Variants in ARHGAP39 observed in about 807,000 individuals in gnomAD.
ARHGAP39 encodes Rho GTPase activating protein 39, also known as rho GTPase-activating protein 39.
A neutral mutation model predicts 106.9 loss-of-function variants in ARHGAP39; 44 were observed. The observed-to-expected ratio is 0.41, with a 90% CI of 0.32 to 0.53. The LOEUF is 0.53. Among genes scored for constraint, ARHGAP39 ranks in the 20% least tolerant of loss-of-function variants. ARHGAP39 has a pLI of 0.21. For synonymous variants in ARHGAP39, 768 were observed against 693.2 expected (o/e 1.11, Z -1.69); for missense variants, 1,496 against 1,577.3 (o/e 0.95, Z 0.87).
At chr8:144,650,440 C>T (rs931016815) in intron 1 of ARHGAP39, among the ~76,000 whole-genome samples, 1 of 152,012 alleles carries the variant, frequency 6.6e-6, no homozygotes. Context: ...CTGGCAGAGG[C>T]ACAACAACAA....
At chr8:144,566,481 G>C (rs1262021396) in intron 3 of ARHGAP39, among the ~76,000 whole-genome samples, 1 of 151,906 alleles carries the variant, frequency 6.6e-6, no homozygotes. Flanking sequence ...TTTGAGATTG[G>C]GAGGCAAAGT....
At chr8:144,700,118 G>T in the ARHGAP39 span, among the ~76,000 whole-genome samples, 1 of 152,294 alleles carries the variant, frequency 6.6e-6, no homozygotes, top group South Asian at 2.1e-4. The surrounding 1 kb of genome is among the most constrained non-coding windows in gnomAD (Gnocchi z 5.6). Flanking sequence ...TCCTACGAAG[G>T]CGCGAACGTT....
intron 2 of ARHGAP39, 49 bp from the exon 3 acceptor site, chr8:144,581,326 C>T (rs1431381112): frequency 2.0e-6 from 3 of 1,494,944 alleles, no homozygotes; most frequent in South Asian, 1.3e-5. Flanking sequence ...GGCCTGGGCC[C>T]GCGCCTCCCA....
rs1459676145 is a variant in ARHGAP39 at position 144,580,932 on chromosome 8, G to C, written c.426C>G (p.Pro142=). ...REGSTSSSLE[P]EPDTEKAQEL... is the part of the protein sequence containing the mutation. ...CCTGCGCTTTCTCAGTGTCGGGCTC[G>C]GGCTCCAGGGAGGAGCTGGTGCTGC... Residue 142 remains proline (P), a synonymous_variant, in exon 3 of 12, where the codon CCC becomes CCG. Transcript: ENST00000377307. 15 of 1,605,312 alleles carry C rather than the reference G, an allele frequency of 9.3e-6. No homozygotes were observed. Among genetic ancestry groups the C allele is most frequent in the South Asian group, 3.3e-5 (3 of 90,480 alleles).
intron 1 of ARHGAP39, among the ~76,000 whole-genome samples, chr8:144,617,541 C>A (rs1820669795): frequency 6.7e-6 from 1 of 149,838 alleles, no homozygotes. Context: ...AGCCTTCAGG[C>A]TGAGAGCCCA....
intron 1 of ARHGAP39, among the ~76,000 whole-genome samples, chr8:144,675,489 A>G (rs927343082): frequency 1.3e-5 from 2 of 152,154 alleles, no homozygotes; most frequent in Admixed American, 1.3e-4. Flanking sequence ...GTGAAACTGC[A>G]GACCTTCGTG....
intron 1 of ARHGAP39, among the ~76,000 whole-genome samples, chr8:144,637,721 T>TA (rs1381878344): frequency 2.0e-5 from 3 of 152,134 alleles, no homozygotes; most frequent in Admixed American, 6.5e-5. Flanking sequence ...CTTTTTTTTT[T>TA]AGACGGTCTT....
chr8:144,547,444 C>A lies in ARHGAP39; in HGVS notation c.1642G>T (p.Gly548Cys). ...TGCGCCAGGAAGGGCTCGGCCGCGC[C>A]CCGCGCCCCTTCGGCCTCACCTTCC... ...RAEGEAEGAR[G>C]AAEPFLAQAR... Residue 548 changes from glycine (G) to cysteine (C), a missense_variant, in exon 5 of 12, where the codon GGC (glycine) becomes TGC (cysteine). By Grantham distance (159) the Gly-to-Cys change is radical (BLOSUM62 -3). Coordinates refer to ENST00000377307, the MANE Select transcript of ARHGAP39 (RefSeq NM_025251.3). This position sits in a 1 kb window ranked among gnomAD's most constrained non-coding sequence, Gnocchi z 5.2. 6.4e-7 allele frequency: 1 copy of A among 1,574,014 alleles called. No homozygotes were observed. Among genetic ancestry groups the A allele is most frequent in the Non-Finnish European group, 8.6e-7 (1 of 1,167,052 alleles).
chr8:144,645,814 C>T lies in ARHGAP39; in HGVS notation c.-82+39872G>A, dbSNP rs917262142. ...GTCATAACCAAAGGGGCTGCCTGAG[C>T]GAGGCCAGGGCTGCAGGGGGAGCTG... On this transcript the variant is annotated intron_variant, in intron 1 of 11. Transcript: ENST00000377307. The surrounding 1 kb of genome is among the most constrained non-coding windows in gnomAD (Gnocchi z 4.4). 6.6e-6 allele frequency among the ~76,000 whole-genome samples: 1 copy of T among 152,194 alleles called. No individual in the cohort carries two copies. Among genetic ancestry groups the T allele is most frequent in the Non-Finnish European group, 1.5e-5 (1 of 68,038 alleles).
Position 144,548,506 on chromosome 8 carries a change from C to T in ARHGAP39, c.597-17G>A, listed in dbSNP as rs1167448881. On this transcript the variant is annotated splice_polypyrimidine_tract_variant and intron_variant, in intron 4 of 11. Coordinates refer to ENST00000377307, the MANE Select transcript of ARHGAP39 (RefSeq NM_025251.3). This position sits in a 1 kb window ranked among gnomAD's most constrained non-coding sequence, Gnocchi z 7.4. ...GAGGAGGTCCTGCGTGGGGGGTGGACGGGCACAGGTGACTGCCTGCCTGCT... is the reference window on the plus strand; with the variant it reads ...GAGGAGGTCCTGCGTGGGGGGTGGATGGGCACAGGTGACTGCCTGCCTGCT... 1.2e-6 allele frequency: 2 copies of T among 1,601,630 alleles called. No homozygotes were observed. Among genetic ancestry groups the T allele is most frequent in the South Asian group, 2.2e-5 (2 of 90,104 alleles).
At position 144,534,943 on chromosome 8, in the gene ARHGAP39, C is replaced by A. The variant is rs970820431; in HGVS notation, c.2615-741G>T. On this transcript the variant is annotated intron_variant, in intron 7 of 11. Coordinates refer to ENST00000377307, the MANE Select transcript of ARHGAP39 (RefSeq NM_025251.3). ...TGCTAGAGGGGAGAGGATTCCCAGG[C>A]TGGGTCTGGAAGGCGCGGCACCTTC... Among the ~76,000 whole-genome samples the A allele has an allele frequency of 2.6e-5, 4 of 152,190 alleles. No homozygotes were observed. The South Asian group carries it at 8.3e-4, about 31-fold the overall frequency.
At chr8:144,643,511 C>G (rs1821363679) in intron 1 of ARHGAP39, among the ~76,000 whole-genome samples, 1 of 152,112 alleles carries the variant, frequency 6.6e-6, no homozygotes, top group Non-Finnish European at 1.5e-5. Context: ...CAGCTCTCTG[C>G]CCCTCCAGCC....
upstream of ARHGAP39, among the ~76,000 whole-genome samples, chr8:144,687,778 CGGTG>C: frequency 1.6e-5 from 2 of 127,514 alleles, no homozygotes; most frequent in East Asian, 3.0e-4. Flanking sequence ...CACACACTGG[CGGTG>C]AGCACTTCCC....
At chr8:144,619,569 CGTGT>C (rs992169212) in intron 1 of ARHGAP39, among the ~76,000 whole-genome samples, 17 of 148,486 alleles carry the variant, frequency 1.1e-4, no homozygotes, top group African/African-American at 1.5e-4. Flanking sequence ...CGTGAGTACC[CGTGT>C]GTGTGTGAGA....
At chr8:144,618,844 G>A (rs1820708370) in intron 1 of ARHGAP39, among the ~76,000 whole-genome samples, 1 of 152,260 alleles carries the variant, frequency 6.6e-6, no homozygotes, top group Non-Finnish European at 1.5e-5. Flanking sequence ...GGCGTGGCGT[G>A]AGCAGGACCG....
Position 144,553,020 on chromosome 8 carries a change from C to T in ARHGAP39, c.596+2540G>A, listed in dbSNP as rs530273212. ...TGTTCTGCTCTCAGCCCCTGTGGGG[C>T]TGGCATGGGGCTGGACACCAGCTCT... On this transcript the variant is annotated intron_variant, in intron 4 of 11. Coordinates refer to ENST00000377307, the MANE Select transcript of ARHGAP39 (RefSeq NM_025251.3). Among the ~76,000 whole-genome samples, 12 of 152,328 alleles carry T rather than the reference C, an allele frequency of 7.9e-5. No homozygotes were observed. In the East Asian group the frequency reaches 1.5e-3, roughly 20 times the overall value.
the ARHGAP39 span, among the ~76,000 whole-genome samples, chr8:144,696,251 G>T: frequency 6.6e-6 from 1 of 152,142 alleles, no homozygotes; most frequent in African/African-American, 2.4e-5. Flanking sequence ...CGATTCTCAT[G>T]CCTTAGCCTC....
chr8:144,600,385 C>T (rs1468072992), intron 2 of ARHGAP39, among the ~76,000 whole-genome samples: 5 of 125,454 alleles, frequency 4.0e-5, no homozygotes, highest in African/African-American at 9.3e-5. Flanking sequence ...TACCTACCTG[C>T]GTGTGTGGAG....
intron 1 of ARHGAP39, among the ~76,000 whole-genome samples, chr8:144,675,409 A>G (rs1822207876): frequency 6.6e-6 from 1 of 152,186 alleles, no homozygotes; most frequent in South Asian, 2.1e-4. Flanking sequence ...GGTGAGTGTT[A>G]CAGCTCTTAA....
Sources: gnomAD v4.1 joint callset for allele counts (sites outside exome capture counted in the v4.1 genomes callset) on GRCh38, gnomAD v4.1.1 for gene constraint, Gnocchi (gnomAD v3.1) non-coding constraint, MANE v1.5 for transcripts, NCBI Gene and HGNC (gene_info 2026-07-23, HGNC 2026-07-21) for gene names.